Variants in PXDNL observed in about 807,000 individuals in gnomAD.
PXDNL encodes probable oxidoreductase PXDNL.
A neutral mutation model predicts 150.8 loss-of-function variants in PXDNL; 145 were observed. The observed-to-expected ratio is 0.96, with a 90% CI of 0.84 to 1.10. The LOEUF (loss-of-function observed/expected upper bound fraction) is 1.10, where lower values mean the gene tolerates loss of function less well. PXDNL is among the 50% of genes least tolerant of loss of function. The pLI, the probability that PXDNL is intolerant of heterozygous loss-of-function variation, is 0.00. For missense variants in PXDNL, 2,087 were observed against 1,873.9 expected (o/e 1.11, Z -2.10); for synonymous variants, 757 against 725.7 (o/e 1.04, Z -0.69).
intron 1 of PXDNL, among the ~76,000 whole-genome samples, chr8:51,802,104 T>C (rs1200616245): frequency 6.7e-6 from 1 of 150,262 alleles, no homozygotes; most frequent in Non-Finnish European, 1.5e-5. Context: ...TTAGTTCTGA[T>C]TTTTTTTTTA....
At chr8:51,650,026 C>G (rs1386604667) in intron 2 of PXDNL, among the ~76,000 whole-genome samples, 2 of 151,040 alleles carry the variant, frequency 1.3e-5, no homozygotes, top group African/African-American at 4.9e-5. Context: ...TCACTTAAAC[C>G]CCTGAGGCAG....
At chr8:51,420,270 A>T (rs1013990920) in intron 14 of PXDNL, among the ~76,000 whole-genome samples, 1 of 152,222 alleles carries the variant, frequency 6.6e-6, no homozygotes, top group African/African-American at 2.4e-5. Flanking sequence ...TTTTCCTTTT[A>T]GTTATAATGA....
intron 1 of PXDNL, among the ~76,000 whole-genome samples, chr8:51,799,871 C>A (rs145229613): frequency 6.6e-6 from 1 of 152,296 alleles, no homozygotes; most frequent in Non-Finnish European, 1.5e-5. Context: ...ACCCTCACAG[C>A]ATTACAGGAT....
chr8:51,340,425 A>C (rs933766558), intron 20 of PXDNL, among the ~76,000 whole-genome samples: 3 of 152,226 alleles, frequency 2.0e-5, no homozygotes, highest in African/African-American at 7.2e-5. Context: ...AAATATTTTT[A>C]GATAGATTTG....
In PXDNL at chr8:51,415,059, CG is replaced by C. The variant is rs113078378; in HGVS notation, c.1796-1802del. Among the ~76,000 whole-genome samples, 5 of 152,086 alleles carry C rather than the reference CG, an allele frequency of 3.3e-5. No homozygotes were observed. In the East Asian group the frequency reaches 5.8e-4, roughly 18 times the overall value. On this transcript the variant is annotated intron_variant, in intron 14 of 22. Transcript: ENST00000356297. ...GGATTGTATTTAGAGCCTTCTTTGG[CG>C]GGGGGGAGATGGCAGTTGTTACTTT...
chr8:51,808,817 G>C (rs1024674773), intron 1 of PXDNL, among the ~76,000 whole-genome samples: 1 of 152,148 alleles, frequency 6.6e-6, no homozygotes, highest in Non-Finnish European at 1.5e-5. Context: ...AAATGGGGCA[G>C]ACACGTGCTG....
intron 1 of PXDNL, among the ~76,000 whole-genome samples, chr8:51,803,506 G>A (rs965958593): frequency 3.9e-5 from 6 of 152,124 alleles, no homozygotes; most frequent in Non-Finnish European, 7.4e-5. Context: ...CTCGAGCTCT[G>A]ACAGATGTGG....
intron 17 of PXDNL, among the ~76,000 whole-genome samples, chr8:51,403,143 G>C (rs1335662745): frequency 1.3e-5 from 2 of 150,734 alleles, no homozygotes; most frequent in Admixed American, 1.3e-4. Flanking sequence ...TGTGATTCTT[G>C]AGAGCAAGAA....
At chr8:51,440,996 T>C (rs1422198254) in intron 12 of PXDNL, among the ~76,000 whole-genome samples, 7 of 152,210 alleles carry the variant, frequency 4.6e-5, no homozygotes, top group Non-Finnish European at 1.0e-4. Flanking sequence ...CTTCATATGG[T>C]TTGGTTCTGT....
At chr8:51,491,868 G>C (rs980310153) in intron 5 of PXDNL, among the ~76,000 whole-genome samples, 5 of 152,204 alleles carry the variant, frequency 3.3e-5, no homozygotes, top group African/African-American at 1.2e-4. Flanking sequence ...GCTAAATCTT[G>C]AACAATCCAT....
intron 2 of PXDNL, among the ~76,000 whole-genome samples, chr8:51,631,766 T>C (rs1272742488): frequency 6.6e-6 from 1 of 152,180 alleles, no homozygotes; most frequent in Non-Finnish European, 1.5e-5. Flanking sequence ...TATGTAATAG[T>C]AACAACATAA....
chr8:51,804,935 C>T (rs2129265769), intron 1 of PXDNL, among the ~76,000 whole-genome samples: 1 of 151,950 alleles, frequency 6.6e-6, no homozygotes. Flanking sequence ...GTCACCTCCA[C>T]ATTGTCCCTA....
intron 1 of PXDNL, among the ~76,000 whole-genome samples, chr8:51,720,795 C>T (rs1816714277): frequency 6.6e-6 from 1 of 152,228 alleles, no homozygotes; most frequent in Non-Finnish European, 1.5e-5. Context: ...GTGGTCACGG[C>T]GCTTTTCCCT....
At chr8:51,788,817 G>T (rs2037483450) in intron 1 of PXDNL, among the ~76,000 whole-genome samples, 1 of 152,170 alleles carries the variant, frequency 6.6e-6, no homozygotes, top group African/African-American at 2.4e-5. Flanking sequence ...CAGATCTCAA[G>T]TAGAGGTGTT....
intron 4 of PXDNL, among the ~76,000 whole-genome samples, chr8:51,532,307 C>T (rs1281999807): frequency 6.6e-6 from 1 of 150,438 alleles, no homozygotes; most frequent in Non-Finnish European, 1.5e-5. Context: ...ACCCAGAACT[C>T]AAAAGCAAAA....
rs573587393 is a variant in PXDNL, at chr8:51,719,870, G to A, written c.165-65110C>T. Among the ~76,000 whole-genome samples, 69 of 152,094 alleles carry A rather than the reference G, an allele frequency of 4.5e-4. 2 individuals carry two copies. In the South Asian group the frequency reaches 0.012, roughly 27 times the overall value. On this transcript the variant is annotated intron_variant, in intron 1 of 22. Transcript: ENST00000356297. ...TTTTTCAAAGATCAGTAAGCGGTGCGCTTAGAAGAGAAACAGCCTCTCTAC... is the reference window on the plus strand; with the variant it reads ...TTTTTCAAAGATCAGTAAGCGGTGCACTTAGAAGAGAAACAGCCTCTCTAC...
intron 4 of PXDNL, among the ~76,000 whole-genome samples, chr8:51,527,470 G>A (rs1345091435): frequency 6.6e-6 from 1 of 152,152 alleles, no homozygotes; most frequent in Non-Finnish European, 1.5e-5. Context: ...ACAGGTTGTG[G>A]CATTTCATGG....
chr8:51,780,693 C>T (rs2037406424), intron 1 of PXDNL, among the ~76,000 whole-genome samples: 2 of 96,468 alleles, frequency 2.1e-5, no homozygotes, highest in Non-Finnish European at 3.8e-5. Flanking sequence ...GAGTTTCACT[C>T]TTGTCACCCA....
chr8:51,501,104 C>T (rs1811167325), intron 4 of PXDNL, among the ~76,000 whole-genome samples: 1 of 152,190 alleles, frequency 6.6e-6, no homozygotes, highest in Non-Finnish European at 1.5e-5. Flanking sequence ...CACTGTACTA[C>T]TCTCTGAAAT....
Sources: allele counts gnomAD v4.1 joint callset (sites outside exome capture counted in the v4.1 genomes callset), GRCh38; gene constraint gnomAD v4.1.1; transcripts MANE v1.5; gene names NCBI Gene and HGNC (gene_info 2026-07-23, HGNC 2026-07-21).